The following SPATA7 variants were observed in gnomAD, a reference collection of about 807,000 sequenced individuals.
SPATA7 encodes spermatogenesis-associated protein 7.
A neutral mutation model predicts 51.8 loss-of-function variants in SPATA7; 43 were observed. That is an observed-to-expected ratio of 0.83 (90% CI 0.65 to 1.07). SPATA7 has a LOEUF of 1.07. Among genes scored for constraint, SPATA7 ranks in the 50% least tolerant of loss-of-function variants. The pLI, the probability that SPATA7 is intolerant of heterozygous loss-of-function variation, is 0.00. For synonymous variants in SPATA7, 230 were observed against 252.8 expected, an observed-to-expected ratio of 0.91 and a Z score of 0.86; for missense variants, 683 against 701.3, an observed-to-expected ratio of 0.97 and a Z score of 0.30.
intron 5 of SPATA7, among the ~76,000 whole-genome samples, chr14:88,421,984 G>A (rs984392603): frequency 1.3e-5 from 2 of 151,916 alleles, no homozygotes; most frequent in Admixed American, 1.3e-4. Context: ...GCAGGACTTG[G>A]TGACTGAGTG....
intron 1 of SPATA7, among the ~76,000 whole-genome samples, chr14:88,387,212 G>A (rs185229472): frequency 2.4e-4 from 36 of 152,262 alleles, no homozygotes; most frequent in African/African-American, 8.7e-4. Context: ...TGGGCAGGGG[G>A]AAAGGATAAA....
intron 1 of SPATA7, chr14:88,386,139 C>T (rs1182141705): frequency 1.0e-6 from 1 of 978,106 alleles, no homozygotes; most frequent in Non-Finnish European, 1.4e-6. Flanking sequence ...GCAGAGGAAC[C>T]AGGTTTGGTC....
At chr14:88,446,698 G>A (rs936274947) in intron 3 of SPATA7, among the ~76,000 whole-genome samples, 12 of 152,050 alleles carry the variant, frequency 7.9e-5, no homozygotes, top group Admixed American at 5.2e-4. Flanking sequence ...TGTTCTCGTT[G>A]GTTTCAAAGA....
At position 88,426,454 on chromosome 14, in the gene SPATA7, T is replaced by C; in HGVS notation, c.595T>C (p.Tyr199His). 1 of 1,614,162 alleles carries C rather than the reference T, an allele frequency of 6.2e-7. No homozygotes were observed. The highest frequency in any genetic ancestry group is 8.5e-7 in the Non-Finnish European group (1 of 1,180,026). ...GPRKLSSGAL[Y>H]GRRPRSTFPN... The stretch of plus-strand genomic sequence containing the variant: ...CCGGAAACTGAGCTCTGGAGCCCTG[T>C]ATGGCAGAAGGCCCAGAAGCACATT... Residue 199 changes from tyrosine to histidine, a missense_variant, in exon 6 of 12, where the codon TAT becomes CAT. Tyr to His is a moderately conservative substitution (Grantham distance 83). Coordinates refer to ENST00000393545, the MANE Select transcript of SPATA7 (RefSeq NM_018418.5).
At chr14:88,431,039 A>G in intron 8 of SPATA7, 133 bp from the exon 9 acceptor site, 1 of 889,988 alleles carries the variant, frequency 1.1e-6, no homozygotes, top group South Asian at 1.4e-5. Flanking sequence ...TCCAAAATCC[A>G]AATTCTGAAA....
At chr14:88,459,616 G>A (rs1013444295), downstream of SPATA7, among the ~76,000 whole-genome samples, 16 of 152,054 alleles carry the variant, frequency 1.1e-4, no homozygotes, top group Non-Finnish European at 2.4e-4. Context: ...GTCTCTGCAT[G>A]TGAGATGGGT....
At chr14:88,448,771 G>T (rs535190084) in intron 3 of SPATA7, among the ~76,000 whole-genome samples, 1 of 152,088 alleles carries the variant, frequency 6.6e-6, no homozygotes, top group African/African-American at 2.4e-5. Flanking sequence ...GCCCCTGCTT[G>T]GGGGTGCCTC....
intron 4 of SPATA7, chr14:88,416,396 T>A (rs1475296976): frequency 4.3e-6 from 1 of 230,614 alleles, no homozygotes; most frequent in Non-Finnish European, 8.3e-6. Flanking sequence ...GTTTGTCATA[T>A]CTTGTTGGCA....
chr14:88,414,915 A>C (rs1369389244), intron 4 of SPATA7, among the ~76,000 whole-genome samples: 3 of 152,048 alleles, frequency 2.0e-5, no homozygotes, highest in African/African-American at 7.2e-5. Flanking sequence ...GTGGTCCAAA[A>C]ATATGTTTGG....
intron 10 of SPATA7, among the ~76,000 whole-genome samples, chr14:88,434,671 G>A (rs1421589708): frequency 6.8e-6 from 1 of 146,436 alleles, no homozygotes; most frequent in Non-Finnish European, 1.5e-5. Flanking sequence ...GGGCGACAGA[G>A]TGAGACTCTG....
chr14:88,449,548 C>G (rs2077236834), intron 3 of SPATA7, among the ~76,000 whole-genome samples: 1 of 152,116 alleles, frequency 6.6e-6, no homozygotes, highest in African/African-American at 2.4e-5. Context: ...AATATATACT[C>G]TGCAGTTTTT....
At chr14:88,408,292 G>A (rs1172627242) in intron 4 of SPATA7, among the ~76,000 whole-genome samples, 1 of 152,110 alleles carries the variant, frequency 6.6e-6, no homozygotes, top group Non-Finnish European at 1.5e-5. Flanking sequence ...TCCTTGAGCA[G>A]TGGTTTGTAG....
chr14:88,452,017 A>T (rs1374739425), intron 3 of SPATA7, among the ~76,000 whole-genome samples: 3 of 152,102 alleles, frequency 2.0e-5, no homozygotes, highest in South Asian at 4.2e-4. Context: ...TATTACCAGA[A>T]TTGCTTTTCT....
At chr14:88,447,853 C>T (rs1489584697) in intron 3 of SPATA7, among the ~76,000 whole-genome samples, 12 of 152,264 alleles carry the variant, frequency 7.9e-5, no homozygotes, top group African/African-American at 1.2e-4. Context: ...CCGAGAGATC[C>T]GCTGTTAGTC....
intron 4 of SPATA7, among the ~76,000 whole-genome samples, chr14:88,404,186 A>G (rs2076143177): frequency 6.6e-6 from 1 of 152,200 alleles, no homozygotes; most frequent in Non-Finnish European, 1.5e-5. Flanking sequence ...ATCTTGTTAT[A>G]AGATAGAAAG....
chr14:88,454,207 C>T (rs899030532), intron 3 of SPATA7, among the ~76,000 whole-genome samples: 1 of 152,168 alleles, frequency 6.6e-6, no homozygotes, highest in Non-Finnish European at 1.5e-5. Context: ...AGGGGAGAAT[C>T]TGTTTCCTTG....
At chr14:88,439,978 ATAACC>A (rs2077166849), downstream of SPATA7, among the ~76,000 whole-genome samples, 1 of 152,108 alleles carries the variant, frequency 6.6e-6, no homozygotes, top group Admixed American at 6.6e-5. Context: ...ACCTCCTGAA[ATAACC>A]TTGGCTCTAT....
chr14:88,409,917 T>A (rs2076294579), intron 4 of SPATA7, among the ~76,000 whole-genome samples: 1 of 152,206 alleles, frequency 6.6e-6, no homozygotes, highest in Admixed American at 6.5e-5. Flanking sequence ...AGTTTCTTAA[T>A]CCTGAGTTCT....
intron 4 of SPATA7, among the ~76,000 whole-genome samples, chr14:88,464,711 C>T (rs558265298): frequency 2.0e-5 from 3 of 152,076 alleles, no homozygotes; most frequent in South Asian, 4.1e-4. Context: ...GCCTGGGTGA[C>T]AGAACGAAAC....
Sources: allele counts gnomAD v4.1 joint callset (sites outside exome capture counted in the v4.1 genomes callset), GRCh38; gene constraint gnomAD v4.1.1; transcripts MANE v1.5; gene names NCBI Gene and HGNC (gene_info 2026-07-23, HGNC 2026-07-21).